Variants in SDK1 observed in about 807,000 individuals in gnomAD.
SDK1 encodes the protein sidekick cell adhesion molecule 1.
In SDK1, 157 loss-of-function variants were observed where a neutral mutation model predicts 245.5. The ratio of observed to expected loss-of-function variants is 0.64; its 90% CI spans 0.56 to 0.73. The LOEUF (loss-of-function observed/expected upper bound fraction) is 0.73. Among genes scored for constraint, SDK1 ranks in the 30% least tolerant of loss-of-function variants. The pLI is 0.00. For synonymous variants in SDK1, 1,647 were observed against 1,278.5 expected (o/e 1.29, Z -6.15); for missense variants, 3,583 against 3,002.3 (o/e 1.19, Z -4.52).
chr7:4,038,458 C>T lies in SDK1; in HGVS notation c.2603-10890C>T, dbSNP rs1005273555. Among the ~76,000 whole-genome samples, 7 of 152,156 alleles carry T rather than the reference C, an allele frequency of 4.6e-5. 1 individual carries two copies. The South Asian group carries it at 1.0e-3, about 23-fold the overall frequency. ...CAAACTCATGCCATACACCAAGTGC[C>T]GTTACTAACATCAGCACTTATCAAT... On this transcript the variant is annotated intron_variant, in intron 17 of 44. Coordinates refer to ENST00000404826, the MANE Select transcript of SDK1 (RefSeq NM_152744.4).
At chr7:3,396,528 T>G (rs1001449980) in intron 1 of SDK1, among the ~76,000 whole-genome samples, 1 of 151,930 alleles carries the variant, frequency 6.6e-6, no homozygotes, top group Non-Finnish European at 1.5e-5. Context: ...TTTAGTTTTA[T>G]GTATTTTGGA....
rs71552309 is a variant in SDK1 at position 3,485,683 on chromosome 7, G to GTTTTTTTTTTTTTTTTTTTTTTTTT, written c.299-133375_299-133374insTTTTTTTTTTTTTTTTTTTTTTTTT. On this transcript the variant is annotated intron_variant, in intron 1 of 44. Transcript: ENST00000404826. ...GTGCTGAGGGGATGATCTTTGGAGG[G>GTTTTTTTTTTTTTTTTTTTTTTTTT]TTTTTTTTTTTTTTTTTTTTTTGAG... Among the ~76,000 whole-genome samples the GTTTTTTTTTTTTTTTTTTTTTTTTT allele has an allele frequency of 6.5e-4, 25 of 38,170 alleles. 5 individuals are homozygous for GTTTTTTTTTTTTTTTTTTTTTTTTT. Among genetic ancestry groups the GTTTTTTTTTTTTTTTTTTTTTTTTT allele is most frequent in the Admixed American group, 9.2e-4 (2 of 2,176 alleles). 25.0% of individuals were successfully genotyped at this position (38,170 alleles called of 152,430 possible). A position where few individuals can be genotyped will look rare whatever the true frequency, so the allele number is the denominator to read the frequency against.
intron 1 of SDK1, among the ~76,000 whole-genome samples, chr7:3,372,132 T>C (rs1285902031): frequency 1.3e-5 from 2 of 152,112 alleles, no homozygotes; most frequent in Non-Finnish European, 2.9e-5. Context: ...TAAATATGAG[T>C]TTCATCCACG....
At chr7:3,574,894 T>A (rs908102349) in intron 1 of SDK1, among the ~76,000 whole-genome samples, 2 of 152,174 alleles carry the variant, frequency 1.3e-5, no homozygotes, top group African/African-American at 4.8e-5. Context: ...AAAGGCATTT[T>A]CTCTGAGTTG....
At chr7:3,654,925 T>C (rs760824953) in intron 4 of SDK1, among the ~76,000 whole-genome samples, 5 of 152,172 alleles carry the variant, frequency 3.3e-5, no homozygotes, top group Non-Finnish European at 7.3e-5. Context: ...CAGTTGCACA[T>C]AATTGCAGTT....
intron 5 of SDK1, among the ~76,000 whole-genome samples, chr7:3,947,013 C>T (rs1009569303): frequency 2.2e-4 from 33 of 152,344 alleles, no homozygotes; most frequent in South Asian, 4.1e-4. Context: ...CAATTTTAGA[C>T]GTTACCTATT....
intron 38 of SDK1, among the ~76,000 whole-genome samples, chr7:4,215,167 C>G (rs1784723144): frequency 6.6e-6 from 1 of 152,240 alleles, no homozygotes; most frequent in African/African-American, 2.4e-5. Context: ...CCACATACGT[C>G]AAAAGAAGAA....
intron 5 of SDK1, among the ~76,000 whole-genome samples, chr7:3,851,738 G>A (rs765824213): frequency 2.8e-4 from 43 of 152,320 alleles, no homozygotes; most frequent in Non-Finnish European, 5.9e-4. Context: ...AGGTAGAAAT[G>A]AGGTTGAACC....
chr7:3,605,145 A>AACACACACAG, intron 1 of SDK1, among the ~76,000 whole-genome samples: 1 of 147,378 alleles, frequency 6.8e-6, no homozygotes, highest in South Asian at 2.1e-4. Flanking sequence ...AAAAACAAGA[A>AACACACACAG]ACACACACAC....
At chr7:3,981,572 G>A (rs1456106769) in intron 13 of SDK1, among the ~76,000 whole-genome samples, 4 of 152,218 alleles carry the variant, frequency 2.6e-5, no homozygotes, top group Non-Finnish European at 5.9e-5. Flanking sequence ...GAAAGTTATT[G>A]AAGGACATTT....
chr7:4,115,411 A>G (rs954560494), intron 25 of SDK1, among the ~76,000 whole-genome samples: 30 of 152,220 alleles, frequency 2.0e-4, no homozygotes, highest in African/African-American at 7.0e-4. Context: ...CCAGAGGAAA[A>G]GAACAAGACT....
At chr7:3,541,536 C>G (rs1364444243) in intron 1 of SDK1, among the ~76,000 whole-genome samples, 4 of 152,252 alleles carry the variant, frequency 2.6e-5, no homozygotes, top group African/African-American at 9.6e-5. Context: ...TATGTCAGTC[C>G]TTCTGTAGAG....
chr7:3,650,543 T>A (rs1455660409), intron 4 of SDK1, among the ~76,000 whole-genome samples: 1 of 152,176 alleles, frequency 6.6e-6, no homozygotes, highest in Admixed American at 6.5e-5. Context: ...TGTAGGGTGA[T>A]TTTATGTACC....
chr7:4,034,381 G>T (rs1343913612), intron 17 of SDK1, among the ~76,000 whole-genome samples: 1 of 152,170 alleles, frequency 6.6e-6, no homozygotes, highest in Non-Finnish European at 1.5e-5. Flanking sequence ...CGGTTTTGAT[G>T]CCAATATTGT....
At chr7:4,091,334 C>CTTTTCTTTTTTCTT (rs1259034611) in intron 22 of SDK1, among the ~76,000 whole-genome samples, 65 of 108,198 alleles carry the variant, frequency 6.0e-4, no homozygotes, top group Middle Eastern at 6.3e-3. Context: ...CTTTTCTTTT[C>CTTTTCTTTTTTCTT]TTTTTTTTTT....
At chr7:3,633,175 A>C (rs919280054) in intron 2 of SDK1, among the ~76,000 whole-genome samples, 1 of 152,208 alleles carries the variant, frequency 6.6e-6, no homozygotes, top group Non-Finnish European at 1.5e-5. Context: ...AGATATTTTC[A>C]TACCAGCATA....
intron 1 of SDK1, among the ~76,000 whole-genome samples, chr7:3,586,404 A>C (rs999211164): frequency 1.3e-5 from 2 of 151,940 alleles, no homozygotes; most frequent in Non-Finnish European, 2.9e-5. Flanking sequence ...GATATATAGA[A>C]ATAGAGGACA....
chr7:4,210,116 C>G lies in SDK1; in HGVS notation c.5493C>G (p.Ile1831Met). The change falls in exon 38 of 45, where the codon ATC becomes ATG. Residue 1831 changes from isoleucine (I) to methionine (M), a missense_variant. Coordinates refer to ENST00000404826, the MANE Select transcript of SDK1 (RefSeq NM_152744.4). ...SWGEPAAANG[I>M]LQGYRVVYEP... The stretch of plus-strand genomic sequence containing the variant: ...GCGAGCCTGCGGCGGCCAACGGCAT[C>G]CTGCAGGGCTATCGGGTGGTGTACG... 1 of 1,609,220 alleles carries G rather than the reference C, an allele frequency of 6.2e-7. No homozygotes were observed. Among genetic ancestry groups the G allele is most frequent in the Non-Finnish European group, 8.5e-7 (1 of 1,178,112 alleles).
chr7:3,432,061 CTCAG>C (rs963402688), intron 1 of SDK1, among the ~76,000 whole-genome samples: 9 of 150,500 alleles, frequency 6.0e-5, no homozygotes, highest in East Asian at 1.9e-4. Context: ...ATGACAATAA[CTCAG>C]TCAGTCTGTG....
Sources: gnomAD v4.1 joint callset for allele counts (sites outside exome capture counted in the v4.1 genomes callset) on GRCh38, gnomAD v4.1.1 for gene constraint, MANE v1.5 for transcripts, NCBI Gene and HGNC (gene_info 2026-07-23, HGNC 2026-07-21) for gene names.